Variants in MYRIP observed in about 807,000 individuals in gnomAD.
MYRIP encodes myosin VIIA and Rab interacting protein.
MYRIP carries 49 observed loss-of-function variants against 98.0 expected under a neutral mutation model. That is an observed-to-expected ratio of 0.50 (90% confidence interval 0.40 to 0.63). MYRIP has a LOEUF of 0.63. Among genes scored for constraint, MYRIP ranks in the 30% least tolerant of loss-of-function variants. MYRIP has a pLI of 0.00. For missense variants in MYRIP, 1,004 were observed against 1,058.2 expected, an observed-to-expected ratio of 0.95 and a Z score of 0.71; for synonymous variants, 404 against 409.5, an observed-to-expected ratio of 0.99 and a Z score of 0.16.
intron 10 of MYRIP, among the ~76,000 whole-genome samples, chr3:40,209,620 A>G (rs1205163448): frequency 1.3e-5 from 2 of 152,176 alleles, no homozygotes; most frequent in African/African-American, 4.8e-5. Context: ...ATGAAAAAAA[A>G]AAAGAATTCA....
At chr3:40,209,056 C>G (rs538726261) in intron 10 of MYRIP, 1 of 152,302 alleles carries the variant, frequency 6.6e-6, no homozygotes, top group Admixed American at 6.5e-5. Context: ...AAGACTAAGG[C>G]AAAGAGAATC....
intron 2 of MYRIP, among the ~76,000 whole-genome samples, chr3:39,907,504 G>A (rs1469697633): frequency 6.6e-6 from 1 of 152,148 alleles, no homozygotes; most frequent in African/African-American, 2.4e-5. Flanking sequence ...CTTCTGTGGT[G>A]TCCTTGGAGG....
chr3:39,900,385 T>C (rs550467502), intron 1 of MYRIP, among the ~76,000 whole-genome samples: 2 of 151,668 alleles, frequency 1.3e-5, no homozygotes, highest in South Asian at 4.1e-4. Flanking sequence ...TTTATTTTTA[T>C]AAAATAATTA....
At chr3:39,885,355 C>T (rs1267976710) in intron 1 of MYRIP, among the ~76,000 whole-genome samples, 1 of 152,024 alleles carries the variant, frequency 6.6e-6, no homozygotes, top group Non-Finnish European at 1.5e-5. Flanking sequence ...AGAGTTTCTG[C>T]CGAGAGATCC....
intron 1 of MYRIP, among the ~76,000 whole-genome samples, chr3:39,812,734 C>T (rs1278168969): frequency 6.6e-6 from 1 of 152,270 alleles, no homozygotes; most frequent in East Asian, 1.9e-4. Context: ...GTTGTTGCCA[C>T]ATGGTGGCGC....
At chr3:39,872,867 T>G (rs1942846587) in intron 1 of MYRIP, among the ~76,000 whole-genome samples, 1 of 152,222 alleles carries the variant, frequency 6.6e-6, no homozygotes, top group Non-Finnish European at 1.5e-5. Flanking sequence ...ATGGGATGGC[T>G]GGGTCAAATG....
chr3:40,148,593 C>T (rs1169956325), intron 3 of MYRIP, among the ~76,000 whole-genome samples: 2 of 152,114 alleles, frequency 1.3e-5, no homozygotes, highest in African/African-American at 4.8e-5. Flanking sequence ...TGCTTATCTT[C>T]TACATATATT....
Position 40,097,834 on chromosome 3 carries a change from G to T in MYRIP, c.333-53214G>T, listed in dbSNP as rs9864499. ...TCAAACTATTTGGACTCTAGAAGGGGTACTTGTGATCCTCCACTGACAATA... is the reference window on the plus strand; with the variant it reads ...TCAAACTATTTGGACTCTAGAAGGGTTACTTGTGATCCTCCACTGACAATA... On this transcript the variant is annotated intron_variant, in intron 3 of 16. Coordinates refer to ENST00000302541, the MANE Select transcript of MYRIP (RefSeq NM_015460.4). Among the ~76,000 whole-genome samples, 1,065 of 152,294 alleles carry T rather than the reference G, an allele frequency of 7.0e-3. 17 individuals are homozygous for T. The highest frequency in any genetic ancestry group is 0.024 in the African/African-American group (1,015 of 41,550).
intron 16 of MYRIP, among the ~76,000 whole-genome samples, chr3:40,253,579 A>G (rs1255858241): frequency 2.0e-5 from 3 of 152,204 alleles, no homozygotes; most frequent in Non-Finnish European, 4.4e-5. Flanking sequence ...ACCTCCAAAC[A>G]ACCTAAACTA....
chr3:39,935,078 G>A (rs1944627978), intron 2 of MYRIP, among the ~76,000 whole-genome samples: 2 of 152,322 alleles, frequency 1.3e-5, no homozygotes, highest in South Asian at 2.1e-4. Context: ...TCTGCCCCTG[G>A]CATTCAGCTT....
chr3:39,885,879 A>G (rs1238394602), intron 1 of MYRIP, among the ~76,000 whole-genome samples: 2 of 152,016 alleles, frequency 1.3e-5, no homozygotes, highest in African/African-American at 4.8e-5. Context: ...TGTGTTGGTT[A>G]TTCTAGTTAT....
chr3:40,218,816 T>C (rs2679800), intron 11 of MYRIP, among the ~76,000 whole-genome samples: 138,279 of 151,342 alleles, frequency 0.91, 63,434 homozygotes, highest in Non-Finnish European at 0.95. Context: ...TTATAGAAGT[T>C]GGTTTTCCCC....
chr3:40,041,399 G>C (rs1213161178), intron 2 of MYRIP, among the ~76,000 whole-genome samples: 1 of 146,366 alleles, frequency 6.8e-6, no homozygotes, highest in African/African-American at 2.5e-5. Flanking sequence ...AACATTAATG[G>C]GACCAACTGA....
At chr3:39,822,748 GT>G (rs1941140400) in intron 1 of MYRIP, among the ~76,000 whole-genome samples, 1 of 151,930 alleles carries the variant, frequency 6.6e-6, no homozygotes, top group African/African-American at 2.4e-5. Flanking sequence ...AGGTCATCTT[GT>G]TTTAGCTTCC....
intron 2 of MYRIP, among the ~76,000 whole-genome samples, chr3:39,958,649 C>T (rs900845930): frequency 6.6e-6 from 1 of 152,192 alleles, no homozygotes; most frequent in African/African-American, 2.4e-5. Context: ...ACAACAAAAT[C>T]AATGGCAACA....
intron 1 of MYRIP, among the ~76,000 whole-genome samples, chr3:39,823,360 C>T (rs1218058401): frequency 6.6e-6 from 1 of 152,142 alleles, no homozygotes; most frequent in African/African-American, 2.4e-5. Context: ...AATAAATGCC[C>T]AGTAGCCCAG....
At chr3:39,949,121 G>T (rs1305614501) in intron 2 of MYRIP, among the ~76,000 whole-genome samples, 1 of 152,144 alleles carries the variant, frequency 6.6e-6, no homozygotes, top group Non-Finnish European at 1.5e-5. Flanking sequence ...CAAAAATACT[G>T]AAAGAGATCC....
chr3:39,922,976 T>TAAC (rs1256973422), intron 2 of MYRIP, among the ~76,000 whole-genome samples: 1 of 151,758 alleles, frequency 6.6e-6, no homozygotes, highest in African/African-American at 2.4e-5. Flanking sequence ...CAAATAATAA[T>TAAC]AATAAACCCT....
intron 3 of MYRIP, among the ~76,000 whole-genome samples, chr3:40,106,446 T>C (rs1191107401): frequency 6.6e-6 from 1 of 152,208 alleles, no homozygotes; most frequent in East Asian, 1.9e-4. Flanking sequence ...CTGAACAGTA[T>C]TTATTTTGGG....
Sources: gnomAD v4.1 joint callset for allele counts (sites outside exome capture counted in the v4.1 genomes callset) on GRCh38, gnomAD v4.1.1 for gene constraint, MANE v1.5 for transcripts, NCBI Gene and HGNC (gene_info 2026-07-23, HGNC 2026-07-21) for gene names.